The following MTFR1 variants were observed in gnomAD, a reference collection of about 807,000 sequenced individuals.
MTFR1 encodes the protein chondrocyte protein with a poly-proline region.
In MTFR1, 28 loss-of-function variants were observed where a neutral mutation model predicts 38.8. That is an observed-to-expected ratio of 0.72 (90% confidence interval 0.53 to 0.99). MTFR1 has a LOEUF of 0.99. Ranked by LOEUF, MTFR1 falls within the 50% of genes least tolerant of loss-of-function variation. MTFR1 has a pLI of 0.00. For synonymous variants in MTFR1, 145 were observed against 137.0 expected (o/e 1.06, Z -0.41); for missense variants, 358 against 395.5 (o/e 0.91, Z 0.81).
intron 1 of MTFR1, among the ~76,000 whole-genome samples, chr8:65,655,952 A>ATATATATATATATATG (rs1554545342): frequency 8.5e-4 from 31 of 36,564 alleles, no homozygotes; most frequent in Admixed American, 2.4e-3. Context: ...AAAAAAAAAA[A>ATATATATATATATATG]TATATATATA....
intron 3 of MTFR1, among the ~76,000 whole-genome samples, chr8:65,732,585 A>G (rs939655119): frequency 1.3e-5 from 2 of 152,076 alleles, no homozygotes; most frequent in Non-Finnish European, 2.9e-5. Flanking sequence ...TGGCACTATC[A>G]CTACTCTCTG....
chr8:65,663,399 G>T (rs534785775), intron 1 of MTFR1, among the ~76,000 whole-genome samples: 96 of 151,750 alleles, frequency 6.3e-4, no homozygotes, highest in African/African-American at 2.2e-3. Flanking sequence ...ACTGTGGAAG[G>T]CCGCAGGGTC....
chr8:65,678,956 T>C (rs1417013785), intron 2 of MTFR1, among the ~76,000 whole-genome samples: 2 of 152,158 alleles, frequency 1.3e-5, no homozygotes, highest in Non-Finnish European at 2.9e-5. Context: ...TTTTCTGATA[T>C]TAAACAGATG....
chr8:65,682,072 A>T (rs1035107295), intron 2 of MTFR1: 5 of 171,750 alleles, frequency 2.9e-5, no homozygotes, highest in African/African-American at 1.2e-4. Flanking sequence ...TGAAAATAAA[A>T]TTTTTACTGT....
intron 3 of MTFR1, chr8:65,719,490 T>C: frequency 6.2e-7 from 1 of 1,608,860 alleles, no homozygotes; most frequent in African/African-American, 1.3e-5. Flanking sequence ...AGGTAAGTCA[T>C]AAAACCTTGA....
intron 2 of MTFR1, among the ~76,000 whole-genome samples, chr8:65,677,696 C>T (rs1804754362): frequency 6.6e-6 from 1 of 151,044 alleles, no homozygotes; most frequent in Non-Finnish European, 1.5e-5. Context: ...TTCTTAATGG[C>T]ATTGGATTGT....
intron 3 of MTFR1, among the ~76,000 whole-genome samples, chr8:65,763,005 G>A (rs1444086731): frequency 1.5e-5 from 2 of 131,904 alleles, no homozygotes; most frequent in East Asian, 4.0e-4. Context: ...GTGTGTGTGT[G>A]TGTGTGTGTG....
At chr8:65,747,345 A>T (rs1461610025) in intron 3 of MTFR1, among the ~76,000 whole-genome samples, 1 of 152,192 alleles carries the variant, frequency 6.6e-6, no homozygotes, top group Non-Finnish European at 1.5e-5. Flanking sequence ...GGTAATCTCT[A>T]AGTCTTCCCA....
chr8:65,701,005 G>A (rs1348411018), intron 4 of MTFR1, among the ~76,000 whole-genome samples: 4 of 152,186 alleles, frequency 2.6e-5, no homozygotes, highest in African/African-American at 9.7e-5. Context: ...TAAAAATGCA[G>A]ATTTACTGAA....
intron 4 of MTFR1, among the ~76,000 whole-genome samples, chr8:65,695,361 T>G (rs1805407568): frequency 6.6e-6 from 1 of 152,050 alleles, no homozygotes; most frequent in Non-Finnish European, 1.5e-5. Flanking sequence ...TTTTTTTTGT[T>G]TTGTTTTTGA....
intron 3 of MTFR1, among the ~76,000 whole-genome samples, chr8:65,683,132 C>CTTTTTTTTT (rs748824241): frequency 5.8e-5 from 7 of 121,678 alleles, no homozygotes; most frequent in Non-Finnish European, 6.8e-5. Context: ...TTCTTTCTTT[C>CTTTTTTTTT]TTTTTTTTTT....
rs202082825 is a variant in MTFR1, at chr8:65,735,319, GT to G, written c.*48+15845del. ...CCTTTCAGTACCCTTGGTTAATAGTGTTTTTTTGAGACAGGATCTCACTTCG... is the reference window on the plus strand; with the variant it reads ...CCTTTCAGTACCCTTGGTTAATAGTGTTTTTTGAGACAGGATCTCACTTCG... On this transcript the variant is annotated intron_variant, in intron 3 of 3. Coordinates refer to the MTFR1 transcript ENST00000521247. Among the ~76,000 whole-genome samples, 901 of 152,088 alleles carry G rather than the reference GT, an allele frequency of 5.9e-3. 9 individuals carry two copies. The highest frequency in any genetic ancestry group is 0.021 in the African/African-American group (870 of 41,504).
chr8:65,745,723 C>T (rs948756213), intron 3 of MTFR1, among the ~76,000 whole-genome samples: 8 of 152,194 alleles, frequency 5.3e-5, no homozygotes, highest in Non-Finnish European at 8.8e-5. Context: ...TGTTTCCCAG[C>T]TTATTGCTAC....
intron 4 of MTFR1, 132 bp downstream of exon 4, chr8:65,693,891 C>T: frequency 1.5e-6 from 1 of 687,574 alleles, no homozygotes; most frequent in Admixed American, 2.8e-5. Context: ...CTTGAACAGT[C>T]TTCTTTTCTG....
Position 65,710,325 on chromosome 8 carries a change from G to C in MTFR1, c.*1281G>C, listed in dbSNP as rs1254523190. On this transcript the variant is annotated 3_prime_UTR_variant, in exon 8 of 8. Transcript: ENST00000262146. ...ATGATTTGGGGAAATGACATGGCTT[G>C]ATTGTTCTGTTTAAATTTGTACTGT... is the stretch of plus-strand genomic sequence containing the variant. The C allele has an allele frequency of 2.0e-5, 3 of 152,274 alleles. No homozygotes were observed. The highest frequency in any genetic ancestry group is 4.4e-5 in the Non-Finnish European group (3 of 68,014). The allele number at this position is 152,274 out of a possible 1,614,324, so 9.4% of individuals were successfully genotyped here.
intron 3 of MTFR1, chr8:65,728,436 A>T (rs983461056): frequency 6.6e-6 from 1 of 152,212 alleles, no homozygotes; most frequent in African/African-American, 2.4e-5. Flanking sequence ...GAGGGCTTGA[A>T]TCTCCTGGAA....
At chr8:65,723,417 CTTAAA>C (rs1252311119) in intron 3 of MTFR1, 14 of 973,674 alleles carry the variant, frequency 1.4e-5, no homozygotes, top group Non-Finnish European at 1.5e-5. Flanking sequence ...GGTAAAATTT[CTTAAA>C]TTATTTTTAA....
At chr8:65,739,425 TATAA>T in intron 3 of MTFR1, 1 of 1,431,678 alleles carries the variant, frequency 7.0e-7, no homozygotes, top group Non-Finnish European at 9.2e-7. Flanking sequence ...AGCTAACCGA[TATAA>T]CTGAGATAAA....
chr8:65,766,856 A>G (rs1808810692), intron 3 of MTFR1, among the ~76,000 whole-genome samples: 1 of 152,194 alleles, frequency 6.6e-6, no homozygotes. Flanking sequence ...AATGGGTGTA[A>G]TACTTAGATA....
Sources: gnomAD v4.1 joint callset for allele counts (sites outside exome capture counted in the v4.1 genomes callset) on GRCh38, gnomAD v4.1.1 for gene constraint, MANE v1.5 for transcripts, NCBI Gene and HGNC (gene_info 2026-07-23, HGNC 2026-07-21) for gene names.